The following KLHL26 variants were observed in gnomAD, a reference collection of about 807,000 sequenced individuals.
KLHL26 encodes the protein kelch like family member 26, also known as kelch-like protein 26.
KLHL26 carries 4 observed loss-of-function variants against 7.1 expected under a neutral mutation model. The ratio of observed to expected loss-of-function variants is 0.56; its 90% CI spans 0.28 to 1.28. The LOEUF (loss-of-function observed/expected upper bound fraction) is 1.28, where lower values mean the gene tolerates loss of function less well. KLHL26 is among the 50% of genes most tolerant of loss of function. The pLI is 0.11. For synonymous variants in KLHL26, 465 were observed against 414.1 expected, an observed-to-expected ratio of 1.12 and a Z score of -1.49; for missense variants, 896 against 924.6, an observed-to-expected ratio of 0.97 and a Z score of 0.40.
intron 1 of KLHL26, among the ~76,000 whole-genome samples, chr19:18,659,475 G>A (rs1473219024): frequency 6.6e-6 from 1 of 152,252 alleles, no homozygotes; most frequent in Non-Finnish European, 1.5e-5. Flanking sequence ...GGCTTTGAAA[G>A]TGGAAGTGCT....
At chr19:18,640,535 G>T (rs1257541254) in intron 1 of KLHL26, among the ~76,000 whole-genome samples, 1 of 149,412 alleles carries the variant, frequency 6.7e-6, no homozygotes, top group Non-Finnish European at 1.5e-5. Flanking sequence ...GAGCCACTAC[G>T]CCTGGCTATG....
At chr19:18,642,556 G>A (rs377262019) in intron 1 of KLHL26, among the ~76,000 whole-genome samples, 1 of 151,636 alleles carries the variant, frequency 6.6e-6, no homozygotes, top group East Asian at 1.9e-4. Context: ...TAGAGGTGGG[G>A]TTTCTCCATG....
intron 1 of KLHL26, among the ~76,000 whole-genome samples, chr19:18,662,476 C>T (rs1420673871): frequency 2.6e-5 from 4 of 152,192 alleles, no homozygotes; most frequent in Admixed American, 1.3e-4. Context: ...GTCTCATTTA[C>T]GCAGCATCCC....
rs1292425716 is a variant in KLHL26, at chr19:18,670,003, C to T, written c.*758C>T. ...TGGGGCCTTAACTGGCTGAGACATCCCGGCCCTCTACATTTGCCCTGTTGG... is the reference window on the plus strand; with the variant it reads ...TGGGGCCTTAACTGGCTGAGACATCTCGGCCCTCTACATTTGCCCTGTTGG... On this transcript the variant is annotated 3_prime_UTR_variant, in exon 3 of 3. Coordinates refer to ENST00000300976, the MANE Select transcript of KLHL26 (RefSeq NM_018316.3). 6.6e-6 allele frequency: 1 copy of T among 152,288 alleles called. No individual in the cohort carries two copies. The highest frequency in any genetic ancestry group is 1.9e-4 in the East Asian group (1 of 5,202). 9.4% of individuals were successfully genotyped at this position (152,288 alleles called of 1,614,324 possible). A position where few individuals can be genotyped will look rare whatever the true frequency, so the allele number is the denominator to read the frequency against.
At position 18,650,982 on chromosome 19, in the gene KLHL26, C is replaced by G. The variant is rs967245776; in HGVS notation, c.84-13279C>G. 6.6e-6 allele frequency among the ~76,000 whole-genome samples: 1 copy of G among 151,966 alleles called. No individual in the cohort carries two copies. The highest frequency in any genetic ancestry group is 2.4e-5 in the African/African-American group (1 of 41,376). ...GGCCACAGTGGTTTTTCCAGAGGCT[C>G]GTCTGGAATGCCGTGGCTGGATCTG... On this transcript the variant is annotated intron_variant, in intron 1 of 2. Coordinates refer to ENST00000300976, the MANE Select transcript of KLHL26 (RefSeq NM_018316.3). This position sits in a 1 kb window ranked among gnomAD's most constrained non-coding sequence, Gnocchi z 4.2.
At position 18,646,718 on chromosome 19, in the gene KLHL26, C is replaced by T. The variant is rs369850798; in HGVS notation, c.83+9581C>T. ...ATGGGGACACTGCCATCCTTCTGCC[C>T]GCCATGCCCGCATGGGCCTTGAGGG... is the stretch of plus-strand genomic sequence containing the variant. On this transcript the variant is annotated intron_variant, in intron 1 of 2. Transcript: ENST00000300976. The surrounding 1 kb of genome is among the most constrained non-coding windows in gnomAD (Gnocchi z 5.0). Among the ~76,000 whole-genome samples the T allele has an allele frequency of 7.9e-4, 121 of 152,308 alleles. 1 individual carries two copies. The highest frequency in any genetic ancestry group is 6.8e-3 in the East Asian group (35 of 5,182).
chr19:18,669,566 C>T lies in KLHL26; in HGVS notation c.*321C>T. 1 of 549,800 alleles carries T rather than the reference C, an allele frequency of 1.8e-6. No individual in the cohort carries two copies. The highest frequency in any genetic ancestry group is 3.2e-6 in the Non-Finnish European group (1 of 312,306). 34.1% of individuals were successfully genotyped at this position (549,800 alleles called of 1,614,324 possible). Reference sequence around the variant, plus strand: ...GTGGAATCCCAGGTCTCCAGGGGGTCCCTGTGCAGCTCCATCTCACTTCTC... The same window carrying T: ...GTGGAATCCCAGGTCTCCAGGGGGTTCCTGTGCAGCTCCATCTCACTTCTC... On this transcript the variant is annotated 3_prime_UTR_variant, in exon 3 of 3. Coordinates refer to ENST00000300976, the MANE Select transcript of KLHL26 (RefSeq NM_018316.3).
chr19:18,651,529 A>C (rs2052256950), intron 1 of KLHL26, among the ~76,000 whole-genome samples: 1 of 152,220 alleles, frequency 6.6e-6, no homozygotes, highest in African/African-American at 2.4e-5. Context: ...TAAACACCCC[A>C]AAAATGAAGA....
intron 1 of KLHL26, among the ~76,000 whole-genome samples, chr19:18,654,532 C>G (rs1023470868): frequency 3.1e-4 from 47 of 151,664 alleles, no homozygotes; most frequent in African/African-American, 9.0e-4. Context: ...CACCCATCCA[C>G]CCACCCTTTC....
At position 18,650,889 on chromosome 19, in the gene KLHL26, T is replaced by G. The variant is rs1433321377; in HGVS notation, c.84-13372T>G. ...CAGAATGGCCCTCAGCGGGGCTTCC[T>G]GACCCCTCAGCCCCGGTAGGAAGCT... is the stretch of plus-strand genomic sequence containing the variant. On this transcript the variant is annotated intron_variant, in intron 1 of 2. Transcript: ENST00000300976. This position sits in a 1 kb window ranked among gnomAD's most constrained non-coding sequence, Gnocchi z 4.2. Among the ~76,000 whole-genome samples, 1 of 152,172 alleles carries G rather than the reference T, an allele frequency of 6.6e-6. No homozygotes were observed. Among genetic ancestry groups the G allele is most frequent in the African/African-American group, 2.4e-5 (1 of 41,438 alleles).
chr19:18,642,345 G>A (rs1976727302), intron 1 of KLHL26, among the ~76,000 whole-genome samples: 1 of 147,484 alleles, frequency 6.8e-6, no homozygotes, highest in African/African-American at 2.5e-5. Context: ...CCTAGTGTGT[G>A]TGTGTGTGTG....
Position 18,669,566 on chromosome 19 carries a change from C to G in KLHL26, c.*321C>G. On this transcript the variant is annotated 3_prime_UTR_variant, in exon 3 of 3. Transcript: ENST00000300976. The stretch of plus-strand genomic sequence containing the variant: ...GTGGAATCCCAGGTCTCCAGGGGGT[C>G]CCTGTGCAGCTCCATCTCACTTCTC... 1 of 549,800 alleles carries G rather than the reference C, an allele frequency of 1.8e-6. No individual in the cohort carries two copies. Among genetic ancestry groups the G allele is most frequent in the Non-Finnish European group, 3.2e-6 (1 of 312,306 alleles). 34.1% of individuals were successfully genotyped at this position (549,800 alleles called of 1,614,324 possible). A position where few individuals can be genotyped will look rare whatever the true frequency, so the allele number is the denominator to read the frequency against.
At chr19:18,638,031 G>A (rs1268249104) in intron 1 of KLHL26, among the ~76,000 whole-genome samples, 1 of 152,174 alleles carries the variant, frequency 6.6e-6, no homozygotes, top group Non-Finnish European at 1.5e-5. Context: ...CAGAGGGAAA[G>A]AACACCTGCC....
At chr19:18,660,230 C>T (rs955988941) in intron 1 of KLHL26, among the ~76,000 whole-genome samples, 1 of 152,174 alleles carries the variant, frequency 6.6e-6, no homozygotes, top group Non-Finnish European at 1.5e-5. Context: ...AGGCCTGGGC[C>T]TGGCTAGGGT....
chr19:18,661,845 T>C (rs1380011440), intron 1 of KLHL26, among the ~76,000 whole-genome samples: 2 of 151,848 alleles, frequency 1.3e-5, no homozygotes, highest in Non-Finnish European at 2.9e-5. Flanking sequence ...CTTACGTCCT[T>C]CTAGCCAGCT....
intron 1 of KLHL26, among the ~76,000 whole-genome samples, chr19:18,658,511 G>A (rs924146826): frequency 1.3e-5 from 2 of 150,740 alleles, no homozygotes; most frequent in Non-Finnish European, 3.0e-5. Context: ...CTGTCTCTGG[G>A]TCTCTGTCTC....
chr19:18,652,277 A>C (rs2052267631), intron 1 of KLHL26, among the ~76,000 whole-genome samples: 1 of 152,116 alleles, frequency 6.6e-6, no homozygotes. Flanking sequence ...AGGAACAAGC[A>C]GTGAGCTAAG....
rs545751000 is a variant in KLHL26 at position 18,650,670 on chromosome 19, G to A, written c.83+13533G>A. Among the ~76,000 whole-genome samples, 60 of 152,292 alleles carry A rather than the reference G, an allele frequency of 3.9e-4. No individual in the cohort carries two copies. The highest frequency in any genetic ancestry group is 1.3e-3 in the African/African-American group (53 of 41,562). ...TTTCCTCGCCAAGGCTGATGGCACC[G>A]GGCCCCTTTGCCGTTCCAGCCTCAG... On this transcript the variant is annotated intron_variant, in intron 1 of 2. Transcript: ENST00000300976. This position sits in a 1 kb window ranked among gnomAD's most constrained non-coding sequence, Gnocchi z 4.2.
Position 18,646,613 on chromosome 19 carries a change from G to T in KLHL26, c.83+9476G>T, listed in dbSNP as rs566249316. Among the ~76,000 whole-genome samples the T allele has an allele frequency of 1.3e-5, 2 of 152,220 alleles. No individual in the cohort carries two copies. Among genetic ancestry groups the T allele is most frequent in the Non-Finnish European group, 2.9e-5 (2 of 68,036 alleles). On this transcript the variant is annotated intron_variant, in intron 1 of 2. Transcript: ENST00000300976. This position sits in a 1 kb window ranked among gnomAD's most constrained non-coding sequence, Gnocchi z 5.0. ...AAATGGGGCTCCAGGCCCACCAGGT[G>T]GGGGGTGTCTGGGAGGAAACGAGTG... is the stretch of plus-strand genomic sequence containing the variant.
Sources: allele counts gnomAD v4.1 joint callset (sites outside exome capture counted in the v4.1 genomes callset), GRCh38; gene constraint gnomAD v4.1.1; non-coding constraint Gnocchi (gnomAD v3.1); transcripts MANE v1.5; gene names NCBI Gene and HGNC (gene_info 2026-07-23, HGNC 2026-07-21).